Variants in IREB2 observed in about 807,000 individuals in gnomAD.
IREB2 encodes iron-responsive element-binding protein 2.
A neutral mutation model predicts 118.8 loss-of-function variants in IREB2; 39 were observed. The observed-to-expected ratio is 0.33, with a 90% CI of 0.25 to 0.43. The LOEUF (loss-of-function observed/expected upper bound fraction) is 0.43. Among genes scored for constraint, IREB2 ranks in the 20% least tolerant of loss-of-function variants. IREB2 has a pLI of 1.00. For synonymous variants in IREB2, 372 were observed against 392.2 expected, an observed-to-expected ratio of 0.95 and a Z score of 0.61; for missense variants, 900 against 1,147.3, an observed-to-expected ratio of 0.78 and a Z score of 3.11.
chr15:78,493,986 AT>A lies in IREB2; in HGVS notation c.2403del (p.Asn801LysfsTer25). The stretch of plus-strand genomic sequence containing the variant: ...GTAATGACAAGAGGCACTTTTGCAA[AT>A]ATCAAGCTTTTTAATAAGTTTATTG... ...DAVMTRGTFANIKLFNKFIGK... is the reference protein window; with the variant it reads ...DAVMTRGTFAXIKLFNKFIGK... On this transcript the variant is annotated frameshift_variant, in exon 19 of 22. Transcript: ENST00000258886. LOFTEE classifies it high-confidence loss of function. The A allele has an allele frequency of 6.2e-7, 1 of 1,614,148 alleles. No individual in the cohort carries two copies. The highest frequency in any genetic ancestry group is 8.5e-7 in the Non-Finnish European group (1 of 1,179,976).
intron 14 of IREB2, 46 bp downstream of exon 14, chr15:78,487,863 A>G (rs911805016): frequency 1.7e-6 from 2 of 1,153,538 alleles, no homozygotes; most frequent in East Asian, 2.4e-5. Context: ...TTTCTTAACT[A>G]TGTTTTGTTA....
chr15:78,491,645 G>A (rs549962337), intron 18 of IREB2, among the ~76,000 whole-genome samples: 14 of 152,114 alleles, frequency 9.2e-5, no homozygotes, highest in Admixed American at 3.9e-4. Context: ...TTACAGGCAC[G>A]CGCCACCATG....
rs201475622 is a variant in IREB2, at chr15:78,498,057, G to A, written c.2806G>A (p.Val936Met). Reference protein sequence around the residue: ...IQTSTGKVFSVIASFEDDVEI... With the variant: ...IQTSTGKVFSMIASFEDDVEI... The stretch of plus-strand genomic sequence containing the variant: ...GACAAGCACTGGAAAAGTATTCAGC[G>A]TGATTGCTTCGTTTGAAGATGATGT... Residue 936 changes from valine (V) to methionine (M), a missense_variant, in exon 22 of 22, where the codon GTG (valine) becomes ATG (methionine). Coordinates refer to ENST00000258886, the MANE Select transcript of IREB2 (RefSeq NM_004136.4). 86 of 1,612,148 alleles carry A rather than the reference G, an allele frequency of 5.3e-5. No individual in the cohort carries two copies. Among genetic ancestry groups the A allele is most frequent in the Admixed American group, 8.3e-5 (5 of 59,966 alleles).
rs115670528 is a variant in IREB2 at position 78,485,857 on chromosome 15, G to A, written c.1709+17G>A. 2.3e-4 allele frequency: 363 copies of A among 1,607,280 alleles called. No individual in the cohort carries two copies. In the African/African-American group the frequency reaches 3.8e-3, roughly 17 times the overall value. On this transcript the variant is annotated intron_variant, in intron 13 of 21. Coordinates refer to ENST00000258886, the MANE Select transcript of IREB2 (RefSeq NM_004136.4). ...TAAGCTTGGGTAAGTAACAGCTATCGCACTTCATATTGATATTGGTGTTCA... is the reference window on the plus strand; with the variant it reads ...TAAGCTTGGGTAAGTAACAGCTATCACACTTCATATTGATATTGGTGTTCA...
intron 2 of IREB2, among the ~76,000 whole-genome samples, chr15:78,460,290 T>C (rs1056161159): frequency 2.0e-5 from 3 of 152,218 alleles, no homozygotes; most frequent in African/African-American, 7.2e-5. Flanking sequence ...AAAGTACTTT[T>C]GTCTATTTGG....
At chr15:78,451,095 G>A (rs935239512) in intron 2 of IREB2, among the ~76,000 whole-genome samples, 10 of 151,754 alleles carry the variant, frequency 6.6e-5, no homozygotes, top group Admixed American at 6.6e-4. Flanking sequence ...CTCCCGAGTA[G>A]CTGGGATTAC....
At chr15:78,454,176 A>G (rs1302710205) in intron 2 of IREB2, among the ~76,000 whole-genome samples, 3 of 152,246 alleles carry the variant, frequency 2.0e-5, no homozygotes, top group African/African-American at 4.8e-5. Flanking sequence ...GCCCAGCAAT[A>G]TCATTCCTAA....
chr15:78,483,015 A>G (rs1412656382), intron 10 of IREB2, among the ~76,000 whole-genome samples: 1 of 152,140 alleles, frequency 6.6e-6, no homozygotes, highest in African/African-American at 2.4e-5. Flanking sequence ...CTGGGATTAC[A>G]GGTGTGAGCC....
chr15:78,493,404 G>A (rs565274585), intron 18 of IREB2, among the ~76,000 whole-genome samples: 56 of 152,056 alleles, frequency 3.7e-4, no homozygotes, highest in African/African-American at 1.1e-3. Flanking sequence ...TTCTGTCAGT[G>A]TTTGGTTGAA....
intron 5 of IREB2, among the ~76,000 whole-genome samples, chr15:78,466,693 A>G (rs181214740): frequency 1.3e-5 from 2 of 152,312 alleles, no homozygotes; most frequent in East Asian, 1.9e-4. Context: ...CTCTCTTACC[A>G]TTACTAAGAA....
intron 2 of IREB2, among the ~76,000 whole-genome samples, chr15:78,443,058 G>A (rs902616210): frequency 6.6e-6 from 1 of 152,138 alleles, no homozygotes; most frequent in Non-Finnish European, 1.5e-5. Flanking sequence ...GTAGACACCG[G>A]AGACTATGGG....
intron 2 of IREB2, among the ~76,000 whole-genome samples, chr15:78,454,515 A>G (rs1310718126): frequency 6.6e-6 from 1 of 152,080 alleles, no homozygotes; most frequent in African/African-American, 2.4e-5. Context: ...GAGGAGGGGG[A>G]GAGGGATTAA....
At chr15:78,477,992 C>CGCCT (rs1405139947) in intron 9 of IREB2, among the ~76,000 whole-genome samples, 2 of 150,822 alleles carry the variant, frequency 1.3e-5, no homozygotes, top group Non-Finnish European at 2.9e-5. Flanking sequence ...GAGGCCAAGG[C>CGCCT]AGGAGGATCT....
intron 9 of IREB2, among the ~76,000 whole-genome samples, chr15:78,477,799 T>C (rs1019882910): frequency 4.6e-5 from 7 of 152,090 alleles, no homozygotes; most frequent in South Asian, 2.1e-4. Context: ...TACAGACTTA[T>C]AGTCCTAGCA....
intron 16 of IREB2, 128 bp from the exon 17 acceptor site, chr15:78,490,294 T>TA (rs1221887932): frequency 3.6e-6 from 2 of 562,178 alleles, no homozygotes; most frequent in Non-Finnish European, 6.4e-6. Context: ...TCCAAATGGA[T>TA]AAGGCCTATT....
intron 5 of IREB2, among the ~76,000 whole-genome samples, chr15:78,466,904 T>C (rs944833706): frequency 1.8e-4 from 27 of 152,162 alleles, no homozygotes; most frequent in Non-Finnish European, 4.0e-4. Flanking sequence ...GGGTTTCTTA[T>C]CTTTTCCTAT....
intron 8 of IREB2, 115 bp downstream of exon 8, chr15:78,473,496 G>T: frequency 1.4e-6 from 1 of 721,678 alleles, no homozygotes. Context: ...GTCTCTTGAC[G>T]TTAGCCACAT....
intron 2 of IREB2, among the ~76,000 whole-genome samples, chr15:78,450,296 T>C (rs1009953060): frequency 2.6e-5 from 4 of 152,206 alleles, no homozygotes; most frequent in African/African-American, 9.6e-5. Flanking sequence ...AAGCTTAATA[T>C]ACATAATTAT....
chr15:78,464,681 T>C (rs1318271507), intron 3 of IREB2, among the ~76,000 whole-genome samples: 1 of 152,206 alleles, frequency 6.6e-6, no homozygotes, highest in Non-Finnish European at 1.5e-5. Flanking sequence ...CCTCCTGGGC[T>C]CAAGCTGTTA....
Sources: gnomAD v4.1 joint callset for allele counts (sites outside exome capture counted in the v4.1 genomes callset) on GRCh38, gnomAD v4.1.1 for gene constraint, MANE v1.5 for transcripts, NCBI Gene and HGNC (gene_info 2026-07-23, HGNC 2026-07-21) for gene names.